Variants in TMEM132C observed in about 807,000 individuals in gnomAD.
The protein encoded by TMEM132C is protein phosphatase 1, regulatory subunit 152.
A neutral mutation model predicts 61.4 loss-of-function variants in TMEM132C; 29 were observed. The observed-to-expected ratio is 0.47, with a 90% CI of 0.35 to 0.64. The LOEUF is 0.64. TMEM132C is among the 30% of genes least tolerant of loss of function. The pLI is 0.00. For missense variants in TMEM132C, 1,408 were observed against 1,476.9 expected (o/e 0.95, Z 0.76); for synonymous variants, 656 against 633.1 (o/e 1.04, Z -0.54).
chr12:128,498,397 T>A (rs147007850), intron 2 of TMEM132C, among the ~76,000 whole-genome samples: 1 of 152,106 alleles, frequency 6.6e-6, no homozygotes, highest in South Asian at 2.1e-4. Flanking sequence ...TTAAGAAGGC[T>A]GGGTACAGTG....
At chr12:128,450,569 C>T (rs1436105748) in intron 2 of TMEM132C, among the ~76,000 whole-genome samples, 2 of 152,172 alleles carry the variant, frequency 1.3e-5, no homozygotes, top group Non-Finnish European at 2.9e-5. Flanking sequence ...ATTTTAGTTA[C>T]ACTTCTTTTA....
chr12:128,335,665 C>G (rs1872775700), intron 1 of TMEM132C, among the ~76,000 whole-genome samples: 1 of 152,174 alleles, frequency 6.6e-6, no homozygotes, highest in Non-Finnish European at 1.5e-5. Context: ...AATAACATGT[C>G]AGGTTCTTTC....
chr12:128,327,522 A>G (rs1430810501), intron 1 of TMEM132C, among the ~76,000 whole-genome samples: 2 of 151,624 alleles, frequency 1.3e-5, no homozygotes, highest in African/African-American at 4.9e-5. Flanking sequence ...AGCTGGGACT[A>G]CAGGTGCCCA....
chr12:128,333,551 T>C (rs1033175780), intron 1 of TMEM132C, among the ~76,000 whole-genome samples: 1 of 151,948 alleles, frequency 6.6e-6, no homozygotes, highest in Non-Finnish European at 1.5e-5. Context: ...GTAGCATGTA[T>C]GTGTGAGTGT....
intron 2 of TMEM132C, among the ~76,000 whole-genome samples, chr12:128,501,316 T>G (rs149751841): frequency 2.6e-4 from 40 of 152,362 alleles, no homozygotes; most frequent in African/African-American, 9.4e-4. Flanking sequence ...GAAATCTTGA[T>G]GCACATGAGG....
intron 1 of TMEM132C, among the ~76,000 whole-genome samples, chr12:128,333,611 G>C (rs1872719929): frequency 6.6e-6 from 1 of 151,616 alleles, no homozygotes; most frequent in Admixed American, 6.6e-5. Context: ...ATTTGTTAGA[G>C]TGTGTGGTTT....
At chr12:128,677,294 C>G (rs191483221) in intron 5 of TMEM132C, among the ~76,000 whole-genome samples, 1 of 152,222 alleles carries the variant, frequency 6.6e-6, no homozygotes, top group East Asian at 1.9e-4. Context: ...GATGTGCCGG[C>G]CATTTTCTAG....
At chr12:128,668,614 G>C (rs1015817219) in intron 4 of TMEM132C, among the ~76,000 whole-genome samples, 1 of 152,150 alleles carries the variant, frequency 6.6e-6, no homozygotes, top group Admixed American at 6.5e-5. Context: ...TTAGTTTCCT[G>C]ATGCTGCGAT....
chr12:128,442,130 A>G (rs1250237447), intron 2 of TMEM132C, among the ~76,000 whole-genome samples: 1 of 152,216 alleles, frequency 6.6e-6, no homozygotes, highest in Non-Finnish European at 1.5e-5. Flanking sequence ...TTCTTCTGTG[A>G]AAAAGGAATC....
intron 2 of TMEM132C, among the ~76,000 whole-genome samples, chr12:128,416,199 T>C (rs1195397206): frequency 6.6e-6 from 1 of 152,112 alleles, no homozygotes; most frequent in Non-Finnish European, 1.5e-5. Context: ...CATCTTATAA[T>C]ACAAATAAAC....
chr12:128,568,780 G>T (rs142381330), intron 3 of TMEM132C, among the ~76,000 whole-genome samples: 1 of 152,154 alleles, frequency 6.6e-6, no homozygotes, highest in Non-Finnish European at 1.5e-5. Context: ...CCCGAGCCCC[G>T]TGTCCCTCAG....
intron 2 of TMEM132C, among the ~76,000 whole-genome samples, chr12:128,454,771 G>A (rs1325201719): frequency 6.6e-6 from 1 of 152,250 alleles, no homozygotes; most frequent in Non-Finnish European, 1.5e-5. Context: ...ACAGATTCAA[G>A]AAGAGGTTTG....
At position 128,665,668 on chromosome 12, in the gene TMEM132C, C is replaced by T. The variant is rs564016705; in HGVS notation, c.1306-3749C>T. ...ACCCAGGCACATGTACCCATAAACA[C>T]ACAGGCATACACACATACACATACA... On this transcript the variant is annotated intron_variant, in intron 4 of 8. Coordinates refer to ENST00000435159, the MANE Select transcript of TMEM132C (RefSeq NM_001136103.3). Among the ~76,000 whole-genome samples, 409 of 148,734 alleles carry T rather than the reference C, an allele frequency of 2.7e-3. 5 individuals are homozygous for T. Among genetic ancestry groups the T allele is most frequent in the African/African-American group, 9.7e-3 (385 of 39,698 alleles).
chr12:128,274,310 G>C (rs948799873), intron 1 of TMEM132C, among the ~76,000 whole-genome samples: 22 of 150,354 alleles, frequency 1.5e-4, no homozygotes, highest in Non-Finnish European at 2.4e-4. Flanking sequence ...AGAAGACCAT[G>C]TCTTTTCTAT....
chr12:128,447,170 G>A (rs562223463), intron 2 of TMEM132C, among the ~76,000 whole-genome samples: 30 of 152,186 alleles, frequency 2.0e-4, no homozygotes, highest in East Asian at 5.8e-4. Flanking sequence ...ACCAGTGATC[G>A]CCCCTGTCCC....
intron 4 of TMEM132C, among the ~76,000 whole-genome samples, chr12:128,621,965 G>T (rs759666984): frequency 1.3e-5 from 2 of 152,054 alleles, no homozygotes; most frequent in Admixed American, 6.5e-5. Flanking sequence ...TTCCAGCCAC[G>T]ACTCTGAGTG....
intron 1 of TMEM132C, among the ~76,000 whole-genome samples, chr12:128,321,707 A>T (rs991433916): frequency 6.6e-6 from 1 of 152,248 alleles, no homozygotes; most frequent in Admixed American, 6.5e-5. Context: ...TGATTGTGGT[A>T]GTGTACTATT....
intron 1 of TMEM132C, among the ~76,000 whole-genome samples, chr12:128,409,120 C>A (rs1028720686): frequency 6.6e-6 from 1 of 152,118 alleles, no homozygotes; most frequent in African/African-American, 2.4e-5. Flanking sequence ...TTAGCAATTG[C>A]GGCAGTTGAA....
chr12:128,537,565 T>G (rs1873577479), intron 2 of TMEM132C, among the ~76,000 whole-genome samples: 1 of 152,208 alleles, frequency 6.6e-6, no homozygotes. Context: ...CAGAGTTTAT[T>G]GGCAGAAACC....
Sources: allele counts gnomAD v4.1 joint callset (sites outside exome capture counted in the v4.1 genomes callset), GRCh38; gene constraint gnomAD v4.1.1; transcripts MANE v1.5; gene names NCBI Gene and HGNC (gene_info 2026-07-23, HGNC 2026-07-21).